Variants in GRIN3A observed in about 807,000 individuals in gnomAD.
The protein encoded by GRIN3A is glutamate receptor ionotropic, NMDA 3A.
GRIN3A carries 47 observed loss-of-function variants against 92.4 expected under a neutral mutation model. That is an observed-to-expected ratio of 0.51 (90% confidence interval 0.40 to 0.65). The LOEUF is 0.65. Ranked by LOEUF, GRIN3A falls within the 30% of genes least tolerant of loss-of-function variation. The pLI, the probability that GRIN3A is intolerant of heterozygous loss-of-function variation, is 0.00. For missense variants in GRIN3A, 1,324 were observed against 1,393.1 expected (o/e 0.95, Z 0.79); for synonymous variants, 527 against 540.6 (o/e 0.97, Z 0.35).
chr9:101,663,688 CT>C (rs34263545), intron 3 of GRIN3A, among the ~76,000 whole-genome samples: 50,936 of 151,068 alleles, frequency 0.34, 9,466 homozygotes, highest in Non-Finnish European at 0.42. Flanking sequence ...TGCCAATGTC[CT>C]TTTTTTTAAA....
intron 8 of GRIN3A, among the ~76,000 whole-genome samples, chr9:101,574,101 G>A (rs1039747969): frequency 6.6e-6 from 1 of 151,980 alleles, no homozygotes; most frequent in East Asian, 1.9e-4. Flanking sequence ...GAGAATGACA[G>A]GTCAGGTCCG....
At chr9:101,617,141 A>G (rs1479710643) in intron 5 of GRIN3A, among the ~76,000 whole-genome samples, 1 of 146,406 alleles carries the variant, frequency 6.8e-6, no homozygotes, top group African/African-American at 2.6e-5. Flanking sequence ...CGGAGCTTGC[A>G]GTGAGCCGAG....
chr9:101,650,579 C>T (rs925248554), intron 3 of GRIN3A, among the ~76,000 whole-genome samples: 17 of 152,008 alleles, frequency 1.1e-4, no homozygotes, highest in Admixed American at 3.3e-4. Context: ...CCAGGTCAAC[C>T]AAACCTGGCA....
At chr9:101,719,575 A>G (rs1829986968) in intron 1 of GRIN3A, among the ~76,000 whole-genome samples, 1 of 152,168 alleles carries the variant, frequency 6.6e-6, no homozygotes, top group Non-Finnish European at 1.5e-5. Flanking sequence ...GATCTCTCCT[A>G]GAGTTACTTC....
At chr9:101,594,904 A>C (rs1828096392) in intron 6 of GRIN3A, 1 of 1,599,520 alleles carries the variant, frequency 6.3e-7, no homozygotes, top group African/African-American at 1.3e-5. Flanking sequence ...CCGCCGGGTA[A>C]CTGGCCTCGT....
chr9:101,625,855 C>T (rs1828628260), intron 4 of GRIN3A, among the ~76,000 whole-genome samples: 1 of 152,156 alleles, frequency 6.6e-6, no homozygotes, highest in Non-Finnish European at 1.5e-5. Flanking sequence ...GCCAATATTC[C>T]ACAAATATTT....
intron 6 of GRIN3A, among the ~76,000 whole-genome samples, chr9:101,581,804 G>C (rs1827890842): frequency 6.6e-6 from 1 of 152,082 alleles, no homozygotes; most frequent in South Asian, 2.1e-4. Flanking sequence ...AAGGAGCCTG[G>C]GTGTTATCCC....
At chr9:101,633,839 A>G (rs889421301) in intron 3 of GRIN3A, among the ~76,000 whole-genome samples, 1 of 152,104 alleles carries the variant, frequency 6.6e-6, no homozygotes, top group Non-Finnish European at 1.5e-5. Context: ...AAATGTACTG[A>G]CTAAGGTTTC....
chr9:101,607,550 G>T (rs543592171), intron 6 of GRIN3A, among the ~76,000 whole-genome samples: 59 of 152,132 alleles, frequency 3.9e-4, no homozygotes, highest in Admixed American at 2.0e-3. Context: ...ACTCCACCCC[G>T]TGAGCAGGGA....
chr9:101,681,216 T>C (rs911478328), intron 2 of GRIN3A, among the ~76,000 whole-genome samples: 26 of 152,186 alleles, frequency 1.7e-4, no homozygotes, highest in African/African-American at 6.0e-4. Flanking sequence ...AGGGAGTAAA[T>C]GTGGGCAAGG....
chr9:101,635,390 A>G (rs1828772340), intron 3 of GRIN3A, among the ~76,000 whole-genome samples: 1 of 152,184 alleles, frequency 6.6e-6, no homozygotes, highest in African/African-American at 2.4e-5. Context: ...AGAGGTGAGT[A>G]AGTACAAAAG....
chr9:101,737,315 C>A lies in GRIN3A; in HGVS notation c.665G>T (p.Ser222Ile), dbSNP rs958809679. Residue 222 changes from serine to isoleucine, a missense_variant, in exon 1 of 9, where the codon AGC (serine) becomes ATC (isoleucine). Coordinates refer to ENST00000361820, the MANE Select transcript of GRIN3A (RefSeq NM_133445.3). ...VSLVLHIPVI[S>I]IVRHEFPRES... Reference sequence around the variant, plus strand: ...CCGTGGAAACTCGTGGCGCACGATGCTGATCACTGGAATGTGCAGGACTAA... The same window carrying A: ...CCGTGGAAACTCGTGGCGCACGATGATGATCACTGGAATGTGCAGGACTAA... 1 of 1,614,072 alleles carries A rather than the reference C, an allele frequency of 6.2e-7. No individual in the cohort carries two copies. Among genetic ancestry groups the A allele is most frequent in the Non-Finnish European group, 8.5e-7 (1 of 1,180,048 alleles).
At chr9:101,660,300 A>G (rs1012018704) in intron 3 of GRIN3A, among the ~76,000 whole-genome samples, 10 of 151,960 alleles carry the variant, frequency 6.6e-5, no homozygotes, top group Middle Eastern at 6.8e-3. Flanking sequence ...GATCTATGCA[A>G]AATACATACA....
In GRIN3A at chr9:101,670,352, A is replaced by G; in HGVS notation, c.2060T>C (p.Ile687Thr). 6.2e-7 allele frequency: 1 copy of G among 1,614,028 alleles called. No individual in the cohort carries two copies. Among genetic ancestry groups the G allele is most frequent in the Non-Finnish European group, 8.5e-7 (1 of 1,179,960 alleles). Residue 687 changes from isoleucine (I) to threonine (T), a missense_variant, in exon 3 of 9, where the codon ATC becomes ACC. Physicochemically the swap from Ile to Thr is moderately conservative, Grantham distance 89. Coordinates refer to ENST00000361820, the MANE Select transcript of GRIN3A (RefSeq NM_133445.3). ...ATACAGAGTGAGGAAGACGGCAGTG[A>G]TGTGCAGAGCCACAAAAATCCCCAG... ...MWLGIFVALH[I>T]TAVFLTLYEW... is the part of the protein sequence containing the mutation.
Position 101,687,408 on chromosome 9 carries a change from A to G in GRIN3A, c.700-208T>C, listed in dbSNP as rs149804471. On this transcript the variant is annotated intron_variant, in intron 1 of 8. Transcript: ENST00000361820. ...AACTGATTTCCTAATAATTTTTGCT[A>G]AGAGTACCAGAGGGTGGATGGTTCT... 5.9e-3 allele frequency among the ~76,000 whole-genome samples: 901 copies of G among 152,296 alleles called. 5 individuals are homozygous for G. Among genetic ancestry groups the G allele is most frequent in the Middle Eastern group, 0.037 (11 of 294 alleles).
intron 3 of GRIN3A, among the ~76,000 whole-genome samples, chr9:101,665,600 T>C (rs955429923): frequency 1.3e-5 from 2 of 151,912 alleles, no homozygotes; most frequent in Non-Finnish European, 2.9e-5. Context: ...GAAGAATCTT[T>C]AGAGTGTGGC....
chr9:101,670,753 T>A lies in GRIN3A; in HGVS notation c.1659A>T (p.Thr553=). The A allele has an allele frequency of 1.2e-6, 2 of 1,614,060 alleles. No homozygotes were observed. The highest frequency in any genetic ancestry group is 2.2e-5 in the South Asian group (2 of 91,088). The part of the protein sequence containing the change: ...CLDPMTNDSS[T]LDSLFSSLHS... ...GGAGGCTGCTAAAAAGGCTGTCCAA[T>A]GTGGAAGAGTCATTAGTCATGGGGT... The change falls in exon 3 of 9, where the codon ACA becomes ACT. Residue 553 remains threonine, a synonymous_variant. Coordinates refer to ENST00000361820, the MANE Select transcript of GRIN3A (RefSeq NM_133445.3).
chr9:101,583,434 T>A (rs1827914219), intron 6 of GRIN3A, among the ~76,000 whole-genome samples: 1 of 152,200 alleles, frequency 6.6e-6, no homozygotes, highest in African/African-American at 2.4e-5. Flanking sequence ...TCCCCTAGGA[T>A]CACATTGTTT....
chr9:101,605,558 A>C (rs769980139), intron 6 of GRIN3A, among the ~76,000 whole-genome samples: 6 of 152,154 alleles, frequency 3.9e-5, no homozygotes, highest in African/African-American at 7.2e-5. Flanking sequence ...TGCCCTATGG[A>C]TCCATCTTTT....
Sources: allele counts gnomAD v4.1 joint callset (sites outside exome capture counted in the v4.1 genomes callset), GRCh38; gene constraint gnomAD v4.1.1; transcripts MANE v1.5; gene names NCBI Gene and HGNC (gene_info 2026-07-23, HGNC 2026-07-21).